Variants in PAK3 observed in about 807,000 individuals in gnomAD.
PAK3 encodes serine/threonine-protein kinase PAK 3.
Under a neutral mutation model 41.0 loss-of-function variants are expected in PAK3, and 4 were observed. The observed-to-expected ratio is 0.10, with a 90% CI of 0.05 to 0.22. The LOEUF (loss-of-function observed/expected upper bound fraction) is 0.22, where lower values mean the gene tolerates loss of function less well. PAK3 is among the 10% of genes least tolerant of loss of function. The probability of loss-of-function intolerance (pLI) is 1.00; values close to 1 mark genes in which losing one functional copy is unlikely to be tolerated. For synonymous variants in PAK3, 146 were observed against 139.6 expected (o/e 1.05, Z -0.32); for missense variants, 205 against 409.9 (o/e 0.50, Z 4.32).
chrX:111,169,246 C>A, intron 10 of PAK3: 1 of 249,781 alleles, frequency 4.0e-6, no homozygotes, highest in Admixed American at 4.5e-5. Flanking sequence ...CACAAAGGAA[C>A]CTATGCAGAT....
intron 1 of PAK3, among the ~76,000 whole-genome samples, chrX:110,969,216 G>T (rs1400752181): frequency 2.0e-5 from 2 of 99,021 alleles, no homozygotes; most frequent in African/African-American, 7.4e-5. Context: ...TGAGATTTAG[G>T]TCAAGGTTCA....
At chrX:110,975,926 G>T (rs1041161142) in intron 1 of PAK3, among the ~76,000 whole-genome samples, 4 of 111,770 alleles carry the variant, frequency 3.6e-5, no homozygotes, top group African/African-American at 1.3e-4. Context: ...GCTGAAACTG[G>T]ATCCCTTCCT....
intron 1 of PAK3, among the ~76,000 whole-genome samples, chrX:111,007,327 T>C (rs1210952291): frequency 9.0e-6 from 1 of 111,348 alleles, no homozygotes; most frequent in Non-Finnish European, 1.9e-5. Context: ...CCTAGCAGAA[T>C]AAGCATAAAC....
intron 1 of PAK3, among the ~76,000 whole-genome samples, chrX:111,045,982 T>A (rs1158722339): frequency 1.8e-5 from 2 of 111,797 alleles, no homozygotes; most frequent in Admixed American, 9.5e-5. Flanking sequence ...CCTAGCCTTC[T>A]CATTTACTGA....
At chrX:111,191,410 G>A (rs761302665) in intron 11 of PAK3, among the ~76,000 whole-genome samples, 1 of 111,596 alleles carries the variant, frequency 9.0e-6, no homozygotes, top group South Asian at 3.8e-4. Context: ...AGAAATGACA[G>A]ATTTTAAAAG....
chrX:111,109,618 T>G (rs1371195112), intron 4 of PAK3, among the ~76,000 whole-genome samples: 3 of 111,815 alleles, frequency 2.7e-5, no homozygotes, highest in African/African-American at 9.7e-5. Context: ...GATGCCACCT[T>G]TATTTGCCAG....
chrX:111,219,923 C>T (rs948806031), intron 17 of PAK3, among the ~76,000 whole-genome samples: 7 of 111,634 alleles, frequency 6.3e-5, no homozygotes, highest in Non-Finnish European at 1.1e-4. Flanking sequence ...GGGATATTCA[C>T]TTTTATTAAG....
intron 8 of PAK3, among the ~76,000 whole-genome samples, chrX:111,153,197 G>T (rs762138782): frequency 1.8e-5 from 2 of 111,615 alleles, no homozygotes; most frequent in East Asian, 5.6e-4. Flanking sequence ...GCCCAGTTAA[G>T]TAAGTCTTAC....
At chrX:111,200,915 G>C (rs1433277089) in intron 16 of PAK3, among the ~76,000 whole-genome samples, 1 of 112,469 alleles carries the variant, frequency 8.9e-6, no homozygotes, top group Non-Finnish European at 1.9e-5. Flanking sequence ...AAGGAAACAA[G>C]TTTTAATCTT....
chrX:111,180,198 C>T, intron 11 of PAK3, among the ~76,000 whole-genome samples: 1 of 111,890 alleles, frequency 8.9e-6, no homozygotes, highest in East Asian at 2.8e-4. Context: ...TACAATTTTA[C>T]ATTGTCAATA....
chrX:111,037,051 T>G (rs2092406639), intron 1 of PAK3, among the ~76,000 whole-genome samples: 1 of 111,336 alleles, frequency 9.0e-6, no homozygotes, highest in Admixed American at 9.6e-5. Flanking sequence ...TTCAAGTGAT[T>G]CTCCCGTCCC....
chrX:111,087,187 GGA>G (rs1435213542), intron 1 of PAK3, among the ~76,000 whole-genome samples: 2 of 107,878 alleles, frequency 1.9e-5, no homozygotes, highest in Non-Finnish European at 3.8e-5. Flanking sequence ...GTTTGCTGTG[GGA>G]GAGAGGTGGT....
chrX:111,178,578 T>C (rs1442003676), intron 11 of PAK3, among the ~76,000 whole-genome samples: 5 of 111,501 alleles, frequency 4.5e-5, no homozygotes, highest in Non-Finnish European at 1.9e-5. Context: ...AGTTAATTGC[T>C]CAGTAAATGC....
Position 111,216,705 on chromosome X carries a change from C to G in PAK3, c.1545+147C>G, listed in dbSNP as rs1483580852. ...CCACAGGCACATAACTATAGGCACG[C>G]ATCTAATACATGATTGATTGACGTG... On this transcript the variant is annotated intron_variant, in intron 17 of 17. Transcript: ENST00000372007. 5 of 521,289 alleles carry G rather than the reference C, an allele frequency of 9.6e-6. No individual in the cohort carries two copies. In the African/African-American group the frequency reaches 1.2e-4, roughly 12 times the overall value. The allele number at this position is 521,289 out of a possible 1,213,427, so 43.0% of individuals were successfully genotyped here. A position where few individuals can be genotyped will look rare whatever the true frequency, so the allele number is the denominator to read the frequency against.
intron 8 of PAK3, 27 bp from the exon 9 acceptor site, chrX:111,162,888 A>C: frequency 8.4e-7 from 1 of 1,188,010 alleles, no homozygotes; most frequent in Non-Finnish European, 1.1e-6. Context: ...TTAATACCTG[A>C]TCTTTAAACT....
chrX:111,198,683 AT>A (rs956949803), intron 16 of PAK3, among the ~76,000 whole-genome samples: 2 of 110,218 alleles, frequency 1.8e-5, no homozygotes, highest in African/African-American at 6.6e-5. Context: ...CTATTCATCT[AT>A]GTGTCTATTT....
intron 7 of PAK3, among the ~76,000 whole-genome samples, chrX:111,150,941 A>C (rs1022833325): frequency 1.8e-5 from 2 of 111,736 alleles, no homozygotes; most frequent in African/African-American, 6.5e-5. Flanking sequence ...AGCAGGCTTT[A>C]AGTTTCTTTG....
intron 1 of PAK3, among the ~76,000 whole-genome samples, chrX:111,065,937 A>G (rs938926659): frequency 9.0e-6 from 1 of 111,102 alleles, no homozygotes; most frequent in Non-Finnish European, 1.9e-5. Flanking sequence ...ATACTCATTT[A>G]AGTCTTTTTC....
At chrX:111,166,123 G>A (rs2094252101) in intron 10 of PAK3, among the ~76,000 whole-genome samples, 3 of 111,033 alleles carry the variant, frequency 2.7e-5, no homozygotes, top group Non-Finnish European at 5.7e-5. Context: ...TGCTTCTCAT[G>A]AAGCAGATTC....
Sources: allele counts gnomAD v4.1 joint callset (sites outside exome capture counted in the v4.1 genomes callset), GRCh38; gene constraint gnomAD v4.1.1; transcripts MANE v1.5; gene names NCBI Gene and HGNC (gene_info 2026-07-23, HGNC 2026-07-21).